NRG3: variants seen among roughly 807,000 people sequenced by gnomAD.
NRG3 encodes the protein neuregulin 3.
A neutral mutation model predicts 66.9 loss-of-function variants in NRG3; 31 were observed. The ratio of observed to expected loss-of-function variants is 0.46; its 90% confidence interval spans 0.35 to 0.63. The LOEUF (loss-of-function observed/expected upper bound fraction) is 0.63. Ranked by LOEUF, NRG3 falls within the 20% of genes least tolerant of loss-of-function variation. The pLI is 0.00. For missense variants in NRG3, 910 were observed against 878.9 expected, an observed-to-expected ratio of 1.04 and a Z score of -0.45; for synonymous variants, 393 against 359.4, an observed-to-expected ratio of 1.09 and a Z score of -1.06.
intron 3 of NRG3, among the ~76,000 whole-genome samples, chr10:82,772,191 A>G (rs2059737224): frequency 6.6e-6 from 1 of 152,114 alleles, no homozygotes; most frequent in Admixed American, 6.6e-5. Context: ...ATGTTATGGG[A>G]TACATACAGA....
At chr10:82,300,551 A>G (rs76729111) in intron 1 of NRG3, among the ~76,000 whole-genome samples, 4,044 of 152,238 alleles carry the variant, frequency 0.027, 82 homozygotes, top group Middle Eastern at 0.068. Flanking sequence ...GGTTCGAGGC[A>G]TAGCTAAGAA....
At chr10:82,685,680 ATACT>A (rs1799438081) in intron 2 of NRG3, among the ~76,000 whole-genome samples, 1 of 151,852 alleles carries the variant, frequency 6.6e-6, no homozygotes, top group Non-Finnish European at 1.5e-5. Flanking sequence ...TTTTGTAGTA[ATACT>A]TAGTTTAAAA....
intron 2 of NRG3, among the ~76,000 whole-genome samples, chr10:82,595,114 C>A (rs1021858627): frequency 2.0e-5 from 3 of 152,072 alleles, no homozygotes; most frequent in African/African-American, 7.2e-5. Context: ...ATCCACCATG[C>A]CCCACCCAAT....
chr10:82,215,951 T>A (rs888840115), intron 1 of NRG3, among the ~76,000 whole-genome samples: 1 of 147,148 alleles, frequency 6.8e-6, no homozygotes, highest in Non-Finnish European at 1.5e-5. Flanking sequence ...TGTTTATATT[T>A]TTTATGTTTT....
At chr10:82,029,948 G>A (rs2062485760) in intron 1 of NRG3, among the ~76,000 whole-genome samples, 1 of 152,062 alleles carries the variant, frequency 6.6e-6, no homozygotes. Flanking sequence ...GTATAAGAAA[G>A]CCTCCCTCAT....
chr10:82,374,147 T>C (rs1322557808), intron 2 of NRG3, among the ~76,000 whole-genome samples: 4 of 152,166 alleles, frequency 2.6e-5, no homozygotes, highest in Non-Finnish European at 4.4e-5. Flanking sequence ...GAGACAGAAA[T>C]GTTAATATCA....
chr10:82,532,463 G>A (rs1249875906), intron 2 of NRG3, among the ~76,000 whole-genome samples: 1 of 146,864 alleles, frequency 6.8e-6, no homozygotes, highest in African/African-American at 2.5e-5. Flanking sequence ...ACTATACAAT[G>A]GATTACTATA....
chr10:81,999,037 A>C (rs943993615), intron 1 of NRG3, among the ~76,000 whole-genome samples: 1 of 152,166 alleles, frequency 6.6e-6, no homozygotes, highest in Non-Finnish European at 1.5e-5. Context: ...TCCTGGCCTC[A>C]AGTGATCTGC....
intron 2 of NRG3, among the ~76,000 whole-genome samples, chr10:82,607,096 AT>A (rs1333503496): frequency 5.3e-5 from 8 of 152,166 alleles, no homozygotes; most frequent in Non-Finnish European, 1.0e-4. Context: ...GTTTCAGTGT[AT>A]TGGTCAGTTA....
At chr10:82,479,475 G>A (rs1842052690) in intron 2 of NRG3, among the ~76,000 whole-genome samples, 2 of 146,930 alleles carry the variant, frequency 1.4e-5, no homozygotes, top group South Asian at 4.6e-4. Flanking sequence ...GAGGTGGGCG[G>A]ATCACCTGAG....
At position 82,527,602 on chromosome 10, in the gene NRG3, A is replaced by G. The variant is rs147110856; in HGVS notation, c.953+168734A>G. ...TTTAGGGTTCATAGGTATAAAAGGG[A>G]GAAGTAGCTTTCAGCCAAAAGGGAG... On this transcript the variant is annotated intron_variant, in intron 2 of 8. Coordinates refer to ENST00000372141, the MANE Select transcript of NRG3 (RefSeq NM_001010848.4). 4.7e-3 allele frequency among the ~76,000 whole-genome samples: 709 copies of G among 152,308 alleles called. 6 individuals carry two copies. The highest frequency in any genetic ancestry group is 0.016 in the African/African-American group (668 of 41,574).
intron 4 of NRG3, among the ~76,000 whole-genome samples, chr10:82,887,003 A>G (rs1436033180): frequency 6.6e-6 from 1 of 152,188 alleles, no homozygotes; most frequent in East Asian, 1.9e-4. Context: ...TTATCACAGA[A>G]GCAGTTCTTA....
intron 2 of NRG3, among the ~76,000 whole-genome samples, chr10:82,712,719 G>C (rs930482942): frequency 6.6e-6 from 1 of 152,132 alleles, no homozygotes; most frequent in Non-Finnish European, 1.5e-5. Context: ...AGGTCTTGAG[G>C]ACATGAGAGC....
chr10:82,284,586 T>A (rs1389793415), intron 1 of NRG3, among the ~76,000 whole-genome samples: 1 of 152,168 alleles, frequency 6.6e-6, no homozygotes, highest in Non-Finnish European at 1.5e-5. Flanking sequence ...CCAAAACAAT[T>A]TCTGTTTCTT....
intron 2 of NRG3, among the ~76,000 whole-genome samples, chr10:82,370,999 C>T (rs1049831206): frequency 1.3e-5 from 2 of 151,998 alleles, no homozygotes; most frequent in African/African-American, 4.8e-5. Flanking sequence ...CATATACACA[C>T]AGTCTGTTTA....
intron 4 of NRG3, among the ~76,000 whole-genome samples, chr10:82,935,736 G>C (rs1848001935): frequency 6.6e-6 from 1 of 152,170 alleles, no homozygotes; most frequent in Middle Eastern, 3.4e-3. Context: ...CGATTCTCCT[G>C]TCTCAACCTC....
At chr10:82,981,148 G>A (rs1412560970) in intron 8 of NRG3, among the ~76,000 whole-genome samples, 1 of 152,162 alleles carries the variant, frequency 6.6e-6, no homozygotes, top group Non-Finnish European at 1.5e-5. Flanking sequence ...CTTGAACAAT[G>A]CACATATCAT....
At chr10:82,876,508 C>T (rs1348027825) in intron 4 of NRG3, among the ~76,000 whole-genome samples, 2 of 152,100 alleles carry the variant, frequency 1.3e-5, no homozygotes, top group African/African-American at 2.4e-5. Context: ...AAAGTGAATG[C>T]TTCTTTGTCA....
intron 1 of NRG3, among the ~76,000 whole-genome samples, chr10:81,972,745 A>C (rs1019122037): frequency 3.9e-5 from 6 of 152,146 alleles, no homozygotes; most frequent in Admixed American, 2.0e-4. Context: ...GAGGGAGGAC[A>C]GAAAAAAATG....
Sources: allele counts gnomAD v4.1 joint callset (sites outside exome capture counted in the v4.1 genomes callset), GRCh38; gene constraint gnomAD v4.1.1; transcripts MANE v1.5; gene names NCBI Gene and HGNC (gene_info 2026-07-23, HGNC 2026-07-21).